MCM8: variants seen among roughly 807,000 people sequenced by gnomAD.
MCM8 encodes the protein DNA helicase MCM8.
MCM8 carries 85 observed loss-of-function variants against 98.9 expected under a neutral mutation model. The ratio of observed to expected loss-of-function variants is 0.86; its 90% CI spans 0.72 to 1.03. MCM8 has a LOEUF of 1.03. MCM8 is among the 50% of genes least tolerant of loss of function. The probability of loss-of-function intolerance (pLI) is 0.00; values close to 1 mark genes in which losing one functional copy is unlikely to be tolerated. For synonymous variants in MCM8, 352 were observed against 338.6 expected, an observed-to-expected ratio of 1.04 and a Z score of -0.44; for missense variants, 951 against 997.8, an observed-to-expected ratio of 0.95 and a Z score of 0.63.
Position 5,958,518 on chromosome 20 carries a change from T to A in MCM8, c.591-10T>A. ...AATTTTCTGTTCATTACTTCCTGTT[T>A]TGTCTTTAGGGTGTACAACTATGAG... On this transcript the variant is annotated splice_polypyrimidine_tract_variant and intron_variant, in intron 6 of 18. Coordinates refer to ENST00000610722, the MANE Select transcript of MCM8 (RefSeq NM_032485.6). The A allele has an allele frequency of 6.2e-7, 1 of 1,600,328 alleles. No homozygotes were observed. Among genetic ancestry groups the A allele is most frequent in the Non-Finnish European group, 8.5e-7 (1 of 1,172,650 alleles).
chr20:5,974,413 C>A (rs1255467991), intron 12 of MCM8, among the ~76,000 whole-genome samples: 1 of 152,190 alleles, frequency 6.6e-6, no homozygotes, highest in Non-Finnish European at 1.5e-5. Flanking sequence ...AAGGTGTGAA[C>A]CACTGTGCTT....
intron 15 of MCM8, among the ~76,000 whole-genome samples, chr20:5,985,345 G>A (rs2089709436): frequency 6.6e-6 from 1 of 151,004 alleles, no homozygotes; most frequent in South Asian, 2.1e-4. Context: ...TTGGGAGGCT[G>A]AGGCAGGAGA....
intron 13 of MCM8, among the ~76,000 whole-genome samples, chr20:5,980,276 G>A (rs916883976): frequency 1.6e-4 from 25 of 151,752 alleles, no homozygotes; most frequent in Admixed American, 8.5e-4. Flanking sequence ...CTTTTTTATT[G>A]CCTGGACCCC....
At chr20:5,975,132 A>G (rs1020114670) in intron 12 of MCM8, among the ~76,000 whole-genome samples, 4 of 152,102 alleles carry the variant, frequency 2.6e-5, no homozygotes, top group Non-Finnish European at 5.9e-5. Flanking sequence ...GGTGGCGCAC[A>G]CCTGTAGTCC....
intron 3 of MCM8, among the ~76,000 whole-genome samples, chr20:5,952,845 A>G (rs554692166): frequency 1.4e-4 from 21 of 152,386 alleles, no homozygotes; most frequent in Admixed American, 1.3e-3. Flanking sequence ...AGCAGCAACC[A>G]TCCTTATGGC....
At chr20:5,966,962 G>C (rs6117019) in intron 8 of MCM8, among the ~76,000 whole-genome samples, 6 of 152,120 alleles carry the variant, frequency 3.9e-5, no homozygotes, top group African/African-American at 1.4e-4. Context: ...CTTGTCTTTC[G>C]GTTGATTACT....
chr20:5,979,854 C>G lies in MCM8; in HGVS notation c.1537+1837C>G, dbSNP rs527577584. Among the ~76,000 whole-genome samples, 5 of 152,310 alleles carry G rather than the reference C, an allele frequency of 3.3e-5. No individual in the cohort carries two copies. In the East Asian group the frequency reaches 9.6e-4, roughly 29 times the overall value. On this transcript the variant is annotated intron_variant, in intron 13 of 18. Coordinates refer to ENST00000610722, the MANE Select transcript of MCM8 (RefSeq NM_032485.6). The stretch of plus-strand genomic sequence containing the variant: ...AACCCTCCAGTAACTGCCCGTCTCG[C>G]TCAGAGTGAAAGCCAAAGTCTTGAG...
At position 5,952,133 on chromosome 20, in the gene MCM8, C is replaced by G; in HGVS notation, c.118C>G (p.Leu40Val). 1 of 1,613,882 alleles carries G rather than the reference C, an allele frequency of 6.2e-7. No homozygotes were observed. Among genetic ancestry groups the G allele is most frequent in the East Asian group, 2.2e-5 (1 of 44,860 alleles). The change falls in exon 2 of 19, where the codon CTG becomes GTG. Residue 40 changes from leucine (L) to valine (V), a missense_variant. Coordinates refer to ENST00000610722, the MANE Select transcript of MCM8 (RefSeq NM_032485.6). ...GAGAGAAAGAGAACACAGACCTGAT[C>G]TGAGTAAAACCACAGGAAAACGTAC... The part of the protein sequence containing the change: ...KWREREHRPD[L>V]SKTTGKRTSE...
intron 10 of MCM8, among the ~76,000 whole-genome samples, chr20:5,971,006 G>T (rs1244163332): frequency 1.3e-5 from 2 of 151,946 alleles, no homozygotes; most frequent in Non-Finnish European, 2.9e-5. Flanking sequence ...AGATATCGGG[G>T]TCTCACTTTG....
At chr20:5,968,077 C>T (rs1192460007) in intron 10 of MCM8, 52 bp downstream of exon 10, 1 of 1,506,422 alleles carries the variant, frequency 6.6e-7, no homozygotes, top group Non-Finnish European at 9.0e-7. Context: ...GTTGGGGGTT[C>T]TCTTGGCTAC....
chr20:5,994,484 C>CACAA lies in MCM8; in HGVS notation c.*96_*97insAACA. On this transcript the variant is annotated 3_prime_UTR_variant, in exon 19 of 19. Transcript: ENST00000610722. Reference sequence around the variant, plus strand: ...GTGCACGCACAGACAGACAGACACACACACACACACACACACACACACACA... The same window carrying CACAA: ...GTGCACGCACAGACAGACAGACACACACAAACACACACACACACACACACACACA... 2.3e-6 allele frequency: 1 copy of CACAA among 441,990 alleles called. No homozygotes were observed. The allele number at this position is 441,990 out of a possible 1,614,324, so 27.4% of individuals were successfully genotyped here.
chr20:5,976,484 AG>A (rs2089514220), intron 12 of MCM8, among the ~76,000 whole-genome samples: 1 of 152,116 alleles, frequency 6.6e-6, no homozygotes, highest in African/African-American at 2.4e-5. Context: ...CTAAATAGGG[AG>A]GGGGGATTTT....
intron 13 of MCM8, among the ~76,000 whole-genome samples, chr20:5,980,729 G>C (rs569406667): frequency 6.6e-6 from 1 of 152,198 alleles, no homozygotes; most frequent in South Asian, 2.1e-4. Flanking sequence ...AAAATTAGTT[G>C]GGTGAGGTGG....
chr20:5,954,334 G>A (rs983052755), intron 3 of MCM8, among the ~76,000 whole-genome samples: 1 of 152,142 alleles, frequency 6.6e-6, no homozygotes. Context: ...GAACTAACAT[G>A]TCCTATTAGG....
At chr20:5,987,486 C>T (rs879548009) in intron 17 of MCM8, 128 bp downstream of exon 17, 12 of 631,384 alleles carry the variant, frequency 1.9e-5, no homozygotes, top group Admixed American at 3.5e-5. Flanking sequence ...AACAGAGTAC[C>T]GTTTCTTAGT....
chr20:5,953,726 GC>G (rs2088895661), intron 3 of MCM8, among the ~76,000 whole-genome samples: 1 of 151,768 alleles, frequency 6.6e-6, no homozygotes, highest in Admixed American at 6.6e-5. Flanking sequence ...GCCCGCCTCG[GC>G]CTCCCAAAGT....
chr20:5,970,453 A>G (rs976681547), intron 10 of MCM8, among the ~76,000 whole-genome samples: 3 of 152,282 alleles, frequency 2.0e-5, no homozygotes, highest in East Asian at 1.9e-4. Flanking sequence ...GCCAGTGGAA[A>G]ACTCCACTGT....
intron 10 of MCM8, among the ~76,000 whole-genome samples, chr20:5,969,389 C>A (rs558194085): frequency 6.6e-6 from 1 of 151,984 alleles, no homozygotes; most frequent in Admixed American, 6.6e-5. Flanking sequence ...GTCAGGAGTT[C>A]GAGACCAACC....
At chr20:5,973,663 C>CT (rs965998032) in intron 12 of MCM8, among the ~76,000 whole-genome samples, 69 of 151,104 alleles carry the variant, frequency 4.6e-4, no homozygotes, top group African/African-American at 1.5e-3. Flanking sequence ...TCAAGGCAAC[C>CT]TTTTTTTTTG....
Sources: gnomAD v4.1 joint callset for allele counts (sites outside exome capture counted in the v4.1 genomes callset) on GRCh38, gnomAD v4.1.1 for gene constraint, MANE v1.5 for transcripts, NCBI Gene and HGNC (gene_info 2026-07-23, HGNC 2026-07-21) for gene names.